RNF216: variants seen among roughly 807,000 people sequenced by gnomAD.
RNF216 encodes the protein E3 ubiquitin-protein ligase RNF216.
Under a neutral mutation model 110.8 loss-of-function variants are expected in RNF216, and 72 were observed. The observed-to-expected ratio is 0.65, with a 90% CI of 0.54 to 0.79. The LOEUF (loss-of-function observed/expected upper bound fraction) is 0.79, where lower values mean the gene tolerates loss of function less well. Among genes scored for constraint, RNF216 ranks in the 30% least tolerant of loss-of-function variants. The pLI, the probability that RNF216 is intolerant of heterozygous loss-of-function variation, is 0.00. For synonymous variants in RNF216, 495 were observed against 407.5 expected, an observed-to-expected ratio of 1.21 and a Z score of -2.59; for missense variants, 1,342 against 1,141.2, an observed-to-expected ratio of 1.18 and a Z score of -2.54.
chr7:5,726,941 G>C (rs1793791962), intron 7 of RNF216, among the ~76,000 whole-genome samples: 2 of 152,120 alleles, frequency 1.3e-5, no homozygotes, highest in East Asian at 1.9e-4. Flanking sequence ...ACGGAAGGAA[G>C]GGTGTGTGAG....
intron 11 of RNF216, among the ~76,000 whole-genome samples, chr7:5,714,716 A>T (rs866347369): frequency 1.3e-5 from 2 of 152,318 alleles, no homozygotes; most frequent in Middle Eastern, 3.4e-3. Context: ...TGTGTAAAGT[A>T]AGTTATGTTA....
intron 13 of RNF216, among the ~76,000 whole-genome samples, chr7:5,661,121 G>A (rs1034200088): frequency 6.6e-5 from 10 of 151,288 alleles, no homozygotes; most frequent in African/African-American, 2.2e-4. Flanking sequence ...TGTATTTTTA[G>A]TAAAGACAGG....
intron 3 of RNF216, 21 bp downstream of exon 3, chr7:5,752,825 G>A (rs764694337): frequency 2.5e-6 from 4 of 1,606,214 alleles, no homozygotes; most frequent in African/African-American, 1.3e-5. Context: ...ATGTCTCATT[G>A]TAAGTTTAAA....
chr7:5,652,403 T>C lies in RNF216; in HGVS notation c.2159+10A>G. The C allele has an allele frequency of 1.3e-6, 2 of 1,587,270 alleles. No homozygotes were observed. The highest frequency in any genetic ancestry group is 1.3e-5 in the African/African-American group (1 of 74,478). On this transcript the variant is annotated intron_variant, in intron 14 of 16. Transcript: ENST00000389902. ...ATCAGCCCATAGCCCCTCTGAATTC[T>C]GTTACTCACATAGAGGTACGGTACT...
At chr7:5,752,782 G>C (rs1795399462) in intron 3 of RNF216, 64 bp downstream of exon 3, 3 of 1,566,360 alleles carry the variant, frequency 1.9e-6, no homozygotes, top group Non-Finnish European at 2.6e-6. Flanking sequence ...GCCCACAAGA[G>C]TGGCTGAAAA....
intron 1 of RNF216, among the ~76,000 whole-genome samples, chr7:5,763,564 A>C (rs1342320222): frequency 2.0e-5 from 3 of 151,774 alleles, no homozygotes; most frequent in Admixed American, 2.0e-4. Flanking sequence ...CAGTAGGAGG[A>C]GGTTGTAGTC....
At chr7:5,752,281 A>C (rs909266841) in intron 3 of RNF216, among the ~76,000 whole-genome samples, 2 of 152,196 alleles carry the variant, frequency 1.3e-5, no homozygotes, top group South Asian at 2.1e-4. Flanking sequence ...AAAATGCTTA[A>C]GATCTATATT....
chr7:5,771,444 G>C (rs902437801), intron 1 of RNF216, among the ~76,000 whole-genome samples: 1 of 152,082 alleles, frequency 6.6e-6, no homozygotes, highest in African/African-American at 2.4e-5. Flanking sequence ...AAGAAATTCA[G>C]AATGAAAAGG....
At chr7:5,692,915 T>C (rs1239342305) in intron 13 of RNF216, among the ~76,000 whole-genome samples, 2 of 152,260 alleles carry the variant, frequency 1.3e-5, no homozygotes, top group Admixed American at 1.3e-4. Context: ...GATTCACTGC[T>C]ACCCATTTCT....
At chr7:5,731,530 C>A (rs1794089324) in intron 5 of RNF216, among the ~76,000 whole-genome samples, 1 of 151,486 alleles carries the variant, frequency 6.6e-6, no homozygotes, top group Non-Finnish European at 1.5e-5. Flanking sequence ...CCAGACCCAA[C>A]ACATGTTAAC....
chr7:5,667,458 T>TA (rs1206435744), intron 13 of RNF216, among the ~76,000 whole-genome samples: 2 of 152,216 alleles, frequency 1.3e-5, no homozygotes, highest in Non-Finnish European at 2.9e-5. Flanking sequence ...CATCTCTAGT[T>TA]ACCCTGGAGG....
chr7:5,626,658 T>A (rs1312604020), intron 15 of RNF216, among the ~76,000 whole-genome samples: 3 of 141,564 alleles, frequency 2.1e-5, no homozygotes, highest in Non-Finnish European at 3.1e-5. Context: ...GGCGACAGAG[T>A]GAAACTTGTG....
intron 13 of RNF216, among the ~76,000 whole-genome samples, chr7:5,668,895 C>T (rs852413): frequency 0.018 from 2,790 of 152,296 alleles, 34 homozygotes; most frequent in South Asian, 0.034. Flanking sequence ...AGTTAGCATA[C>T]TATCCACCTG....
At chr7:5,679,381 C>G (rs1019772320) in intron 13 of RNF216, among the ~76,000 whole-genome samples, 6 of 152,238 alleles carry the variant, frequency 3.9e-5, no homozygotes, top group South Asian at 4.1e-4. Flanking sequence ...ACAGGGCAAG[C>G]TGTGGTCCGG....
chr7:5,691,476 G>C (rs1054628122), intron 13 of RNF216, among the ~76,000 whole-genome samples: 1 of 152,100 alleles, frequency 6.6e-6, no homozygotes, highest in Non-Finnish European at 1.5e-5. Flanking sequence ...GGCAGTAATG[G>C]AGAGAGCTAT....
chr7:5,749,416 G>C (rs891973511), intron 3 of RNF216, among the ~76,000 whole-genome samples: 4 of 152,156 alleles, frequency 2.6e-5, no homozygotes, highest in Admixed American at 6.5e-5. Context: ...CTCCCAAAGT[G>C]CTGGGATTAC....
chr7:5,629,567 G>A (rs150027526), intron 15 of RNF216, among the ~76,000 whole-genome samples: 47 of 152,206 alleles, frequency 3.1e-4, no homozygotes, highest in South Asian at 1.0e-3. Context: ...GGCGTCTTGC[G>A]CCTGTAATCC....
At chr7:5,718,376 G>A (rs780300302) in intron 9 of RNF216, among the ~76,000 whole-genome samples, 3 of 152,046 alleles carry the variant, frequency 2.0e-5, no homozygotes, top group Non-Finnish European at 2.9e-5. Flanking sequence ...GCGAGACTCC[G>A]TCTCAAAAAA....
chr7:5,724,468 T>C (rs988878009), intron 8 of RNF216, among the ~76,000 whole-genome samples: 1 of 152,220 alleles, frequency 6.6e-6, no homozygotes, highest in Non-Finnish European at 1.5e-5. Context: ...TTCTGAACTC[T>C]GGCTAAATTT....
Sources: gnomAD v4.1 joint callset for allele counts (sites outside exome capture counted in the v4.1 genomes callset) on GRCh38, gnomAD v4.1.1 for gene constraint, MANE v1.5 for transcripts, NCBI Gene and HGNC (gene_info 2026-07-23, HGNC 2026-07-21) for gene names.